Variants in DDA1 observed in about 807,000 individuals in gnomAD.
DDA1 encodes the protein DET1- and DDB1-associated protein 1.
A neutral mutation model predicts 18.6 loss-of-function variants in DDA1; 3 were observed. The observed-to-expected ratio is 0.16, with a 90% CI of 0.07 to 0.42. The LOEUF is 0.42. DDA1 is among the 10% of genes least tolerant of loss of function. The pLI, the probability that DDA1 is intolerant of heterozygous loss-of-function variation, is 0.99. For missense variants in DDA1, 105 were observed against 138.2 expected (o/e 0.76, Z 1.20); for synonymous variants, 52 against 54.0 (o/e 0.96, Z 0.17).
intron 4 of DDA1, among the ~76,000 whole-genome samples, chr19:17,316,571 C>T (rs1304523463): frequency 2.7e-5 from 4 of 150,454 alleles, no homozygotes; most frequent in Non-Finnish European, 5.9e-5. Context: ...CAGAGCAAGA[C>T]TGTCTCAAGA....
intron 4 of DDA1, among the ~76,000 whole-genome samples, chr19:17,318,921 G>C (rs2074226559): frequency 6.6e-6 from 1 of 152,016 alleles, no homozygotes; most frequent in Non-Finnish European, 1.5e-5. Context: ...GTGTGGCAAA[G>C]TGACTGCTTC....
At chr19:17,316,341 G>A (rs915625501) in intron 4 of DDA1, among the ~76,000 whole-genome samples, 3 of 152,214 alleles carry the variant, frequency 2.0e-5, no homozygotes, top group African/African-American at 7.2e-5. Flanking sequence ...CAGCGCTTTG[G>A]GAGGCTGAGG....
rs190184101 is a variant in DDA1, at chr19:17,319,908, A to T, written c.*252A>T. On this transcript the variant is annotated 3_prime_UTR_variant, in exon 5 of 5. Transcript: ENST00000359866. ...AGTGTGATGTTGGTAGATGCTTTTT[A>T]AAAAAAACAACATTGTCCCCCCGAC... 7,402 of 418,246 alleles carry T rather than the reference A, an allele frequency of 0.018. 99 individuals are homozygous for T. Among genetic ancestry groups the T allele is most frequent in the Non-Finnish European group, 0.024 (5,618 of 232,628 alleles). The allele number at this position is 418,246 out of a possible 1,614,324, so 25.9% of individuals were successfully genotyped here. A position where few individuals can be genotyped will look rare whatever the true frequency, so the allele number is the denominator to read the frequency against.
rs1177826705 is a variant in DDA1, at chr19:17,321,070, C to T, written c.*1414C>T. 2 of 151,212 alleles carry T rather than the reference C, an allele frequency of 1.3e-5. No homozygotes were observed. The highest frequency in any genetic ancestry group is 2.9e-5 in the Non-Finnish European group (2 of 67,878). 9.4% of individuals were successfully genotyped at this position (151,212 alleles called of 1,614,324 possible). On this transcript the variant is annotated 3_prime_UTR_variant, in exon 5 of 5. Coordinates refer to ENST00000359866, the MANE Select transcript of DDA1 (RefSeq NM_024050.6). ...AGCTCACTGCAGCCTCGACCTCAAG[C>T]CTTCCTCCCACCTCAGCCTTCCAAG...
intron 4 of DDA1, among the ~76,000 whole-genome samples, chr19:17,316,609 T>C (rs1480877199): frequency 7.0e-6 from 1 of 143,612 alleles, no homozygotes; most frequent in African/African-American, 2.6e-5. Flanking sequence ...GTGAGGTGGC[T>C]CACGCCTGTA....
intron 1 of DDA1, chr19:17,310,023 T>G (rs1040070683): frequency 7.6e-6 from 2 of 263,272 alleles, no homozygotes; most frequent in Non-Finnish European, 7.2e-6. Context: ...TCAGGAGAAT[T>G]TGGGAGGCCG....
At chr19:17,315,689 A>C in intron 3 of DDA1, 1 of 582,270 alleles carries the variant, frequency 1.7e-6, no homozygotes, top group Non-Finnish European at 3.1e-6. Context: ...TGAGAGTCTC[A>C]GTTGCGGGGC....
In DDA1 at chr19:17,321,868, G is replaced by A. The variant is rs1079098; in HGVS notation, c.*2212G>A. The stretch of plus-strand genomic sequence containing the variant: ...GTGATGGTGCTACAGGGGCCATGTG[G>A]TCACAGGACAGGTGGTCAGGAAATG... On this transcript the variant is annotated 3_prime_UTR_variant, in exon 5 of 5. Coordinates refer to ENST00000359866, the MANE Select transcript of DDA1 (RefSeq NM_024050.6). 0.072 allele frequency: 10,950 copies of A among 152,652 alleles called. 512 individuals carry two copies. Among genetic ancestry groups the A allele is most frequent in the East Asian group, 0.15 (763 of 5,184 alleles). 9.5% of individuals were successfully genotyped at this position (152,652 alleles called of 1,614,324 possible).
chr19:17,316,067 G>A, intron 4 of DDA1, 72 bp downstream of exon 4: 1 of 1,523,598 alleles, frequency 6.6e-7, no homozygotes, highest in East Asian at 2.3e-5. Flanking sequence ...GGGCTTCTGA[G>A]CACAGGAAGG....
chr19:17,319,705 C>G lies in DDA1; in HGVS notation c.*49C>G. Reference sequence around the variant, plus strand: ...CCTGCCAGGTCTGCTCCTCGGTCGCCCACCCGCCTGCCCGCCATGTGTAAG... The same window carrying G: ...CCTGCCAGGTCTGCTCCTCGGTCGCGCACCCGCCTGCCCGCCATGTGTAAG... On this transcript the variant is annotated 3_prime_UTR_variant, in exon 5 of 5. Coordinates refer to ENST00000359866, the MANE Select transcript of DDA1 (RefSeq NM_024050.6). The G allele has an allele frequency of 1.3e-6, 2 of 1,518,124 alleles. No homozygotes were observed. The highest frequency in any genetic ancestry group is 1.8e-6 in the Non-Finnish European group (2 of 1,121,420). The allele number at this position is 1,518,124 out of a possible 1,614,324, so 94.0% of individuals were successfully genotyped here.
chr19:17,317,093 C>T lies in DDA1; in HGVS notation c.198+1098C>T, dbSNP rs183444412. 2.4e-3 allele frequency among the ~76,000 whole-genome samples: 363 copies of T among 150,416 alleles called. 2 individuals are homozygous for T. The highest frequency in any genetic ancestry group is 8.2e-3 in the African/African-American group (337 of 40,896). ...TACAAAAATTAGCTGGGCATGGTGG[C>T]GCACGCCTGTAATCCCAGCTACTCC... On this transcript the variant is annotated intron_variant, in intron 4 of 4. Coordinates refer to ENST00000359866, the MANE Select transcript of DDA1 (RefSeq NM_024050.6).
At chr19:17,312,776 G>A (rs541744960) in intron 1 of DDA1, among the ~76,000 whole-genome samples, 1 of 152,332 alleles carries the variant, frequency 6.6e-6, no homozygotes, top group African/African-American at 2.4e-5. Flanking sequence ...TAGGGCCCCA[G>A]AAGACCTTGC....
At chr19:17,312,165 C>T (rs1331264064) in intron 1 of DDA1, among the ~76,000 whole-genome samples, 2 of 152,122 alleles carry the variant, frequency 1.3e-5, no homozygotes, top group African/African-American at 2.4e-5. Context: ...CAACCAGGGA[C>T]GGGCTAAGCC....
chr19:17,314,803 G>C lies in DDA1; in HGVS notation c.136+414G>C, dbSNP rs1040645578. Reference sequence around the variant, plus strand: ...CTCTGGTTCTAAGACAAGTGCTATCGGGCAGAGAGGCAGCAGAGGGCTACA... The same window carrying C: ...CTCTGGTTCTAAGACAAGTGCTATCCGGCAGAGAGGCAGCAGAGGGCTACA... On this transcript the variant is annotated intron_variant, in intron 3 of 4. Transcript: ENST00000359866. This position sits in a 1 kb window ranked among gnomAD's most constrained non-coding sequence, Gnocchi z 4.6. 1.2e-4 allele frequency: 26 copies of C among 215,500 alleles called. No homozygotes were observed. The highest frequency in any genetic ancestry group is 2.0e-4 in the Non-Finnish European group (21 of 105,244). The allele number at this position is 215,500 out of a possible 1,614,324, so 13.3% of individuals were successfully genotyped here.
Position 17,309,597 on chromosome 19 carries a change from C to T in DDA1, c.-58C>T. On this transcript the variant is annotated 5_prime_UTR_variant, in exon 1 of 5. Coordinates refer to ENST00000359866, the MANE Select transcript of DDA1 (RefSeq NM_024050.6). ...TGAGGCGGCGGCTAAGAAGGCGGCT[C>T]TGGTGGCGGCGGTGGAGGCTGAGGC... The T allele has an allele frequency of 2.5e-6, 4 of 1,585,662 alleles. No homozygotes were observed. The highest frequency in any genetic ancestry group is 3.5e-6 in the Non-Finnish European group (4 of 1,155,830).
chr19:17,316,541 C>G (rs1052801087), intron 4 of DDA1, among the ~76,000 whole-genome samples: 13 of 151,534 alleles, frequency 8.6e-5, no homozygotes, highest in African/African-American at 2.4e-4. Context: ...GATTGCACCA[C>G]TGCACTCCAG....
chr19:17,310,198 G>T (rs1055753012), intron 1 of DDA1: 1 of 154,156 alleles, frequency 6.5e-6, no homozygotes, highest in African/African-American at 2.4e-5. Context: ...TTTTATCTCC[G>T]ATCCGCATGG....
rs373328800 is a variant in DDA1 at position 17,311,564 on chromosome 19, A to G, written c.3+1907A>G. Among the ~76,000 whole-genome samples the G allele has an allele frequency of 3.4e-4, 51 of 152,164 alleles. No homozygotes were observed. The East Asian group carries it at 6.0e-3, about 18-fold the overall frequency. On this transcript the variant is annotated intron_variant, in intron 1 of 4. Coordinates refer to ENST00000359866, the MANE Select transcript of DDA1 (RefSeq NM_024050.6). The stretch of plus-strand genomic sequence containing the variant: ...CACCCTGAGGCCCCTGGCCACCTCT[A>G]TGACCTTATCTCCACTCTCTTCTCC...
intron 4 of DDA1, among the ~76,000 whole-genome samples, chr19:17,316,499 G>C (rs58177675): frequency 0.01 from 1,588 of 152,142 alleles, 24 homozygotes; most frequent in African/African-American, 0.036. Context: ...AGAATCGCTT[G>C]AACCAGGGAG....
Sources: allele counts gnomAD v4.1 joint callset (sites outside exome capture counted in the v4.1 genomes callset), GRCh38; gene constraint gnomAD v4.1.1; non-coding constraint Gnocchi (gnomAD v3.1); transcripts MANE v1.5; gene names NCBI Gene and HGNC (gene_info 2026-07-23, HGNC 2026-07-21).